The following PIK3C3 variants were observed in gnomAD, a reference collection of about 807,000 sequenced individuals.
PIK3C3 encodes phosphatidylinositol 3-kinase catalytic subunit type 3, also known as PI3-kinase type 3.
A neutral mutation model predicts 126.1 loss-of-function variants in PIK3C3; 95 were observed. That is an observed-to-expected ratio of 0.75 (90% CI 0.64 to 0.89). The LOEUF (loss-of-function observed/expected upper bound fraction) is 0.89, where lower values mean the gene tolerates loss of function less well. PIK3C3 is among the 40% of genes least tolerant of loss of function. The pLI, the probability that PIK3C3 is intolerant of heterozygous loss-of-function variation, is 0.00. For missense variants in PIK3C3, 829 were observed against 1,063.2 expected (o/e 0.78, Z 3.06); for synonymous variants, 374 against 360.0 (o/e 1.04, Z -0.44).
At chr18:41,964,610 T>A (rs1189180513) in intron 3 of PIK3C3, among the ~76,000 whole-genome samples, 2 of 152,136 alleles carry the variant, frequency 1.3e-5, no homozygotes, top group African/African-American at 4.8e-5. Flanking sequence ...TAGGATAGTA[T>A]TATAAAATGT....
rs966720405 is a variant in PIK3C3 at position 41,984,849 on chromosome 18, C to G, written c.532-2963C>G. Reference sequence around the variant, plus strand: ...GTCACACTCTTCCACATTATATTACCTTGTGACTGATTTTAACTGTTATAA... The same window carrying G: ...GTCACACTCTTCCACATTATATTACGTTGTGACTGATTTTAACTGTTATAA... On this transcript the variant is annotated intron_variant, in intron 4 of 24. Coordinates refer to ENST00000262039, the MANE Select transcript of PIK3C3 (RefSeq NM_002647.4). 6 of 152,284 alleles carry G rather than the reference C, an allele frequency of 3.9e-5. No individual in the cohort carries two copies. In the East Asian group the frequency reaches 1.2e-3, roughly 29 times the overall value. The allele number at this position is 152,284 out of a possible 1,614,324, so 9.4% of individuals were successfully genotyped here. A position where few individuals can be genotyped will look rare whatever the true frequency, so the allele number is the denominator to read the frequency against.
At chr18:41,996,772 A>G in intron 9 of PIK3C3, 42 bp downstream of exon 9, 2 of 979,570 alleles carry the variant, frequency 2.0e-6, no homozygotes, top group South Asian at 3.0e-5. Context: ...TTTATCTACC[A>G]ACTTTGTTAT....
In PIK3C3 at chr18:42,029,460, C is replaced by A; in HGVS notation, c.1707+19C>A. On this transcript the variant is annotated intron_variant, in intron 15 of 24. Coordinates refer to ENST00000262039, the MANE Select transcript of PIK3C3 (RefSeq NM_002647.4). ...GAAAAAGGTAAGCCTATGGTGTATG[C>A]TTTTGTTCCTAATAGCATCTTGGCA... The A allele has an allele frequency of 7.3e-7, 1 of 1,362,782 alleles. No individual in the cohort carries two copies. The highest frequency in any genetic ancestry group is 1.0e-6 in the Non-Finnish European group (1 of 958,936). The allele number at this position is 1,362,782 out of a possible 1,614,324, so 84.4% of individuals were successfully genotyped here.
At chr18:42,049,730 T>A (rs1984713505) in intron 21 of PIK3C3, 125 bp downstream of exon 21, 2 of 695,096 alleles carry the variant, frequency 2.9e-6, no homozygotes, top group Admixed American at 2.3e-5. Flanking sequence ...TCCCAGCACT[T>A]TGGGAGGCCA....
At chr18:42,012,158 A>C (rs925373666) in intron 10 of PIK3C3, among the ~76,000 whole-genome samples, 2 of 150,800 alleles carry the variant, frequency 1.3e-5, no homozygotes, top group African/African-American at 4.9e-5. Context: ...GCTTGGGTGC[A>C]GGGTTGCTAC....
chr18:42,055,726 G>T (rs1299346316), intron 21 of PIK3C3, among the ~76,000 whole-genome samples: 1 of 152,040 alleles, frequency 6.6e-6, no homozygotes, highest in Non-Finnish European at 1.5e-5. Flanking sequence ...GTAGAAGGAG[G>T]AGAGTAAGAA....
rs957524185 is a variant in PIK3C3, at chr18:41,966,197, T to C, written c.401+3565T>C. 1.3e-4 allele frequency among the ~76,000 whole-genome samples: 20 copies of C among 148,522 alleles called. No individual in the cohort carries two copies. The East Asian group carries it at 2.9e-3, about 22-fold the overall frequency. ...TGTTCCTTTTTTTTTTTTTTTTTTT[T>C]TTTGAGATGGATTCTCTGTCGCCCT... On this transcript the variant is annotated intron_variant, in intron 3 of 24. Transcript: ENST00000262039.
intron 3 of PIK3C3, among the ~76,000 whole-genome samples, chr18:41,966,155 C>T (rs1980348617): frequency 6.8e-6 from 1 of 146,300 alleles, no homozygotes; most frequent in African/African-American, 2.5e-5. Context: ...CCATTCATAT[C>T]TCTTTGCTAA....
At chr18:42,048,752 G>T (rs945163821) in intron 20 of PIK3C3, among the ~76,000 whole-genome samples, 5 of 152,042 alleles carry the variant, frequency 3.3e-5, no homozygotes, top group African/African-American at 1.2e-4. Context: ...ATTAACAGGT[G>T]GTCCCATCTT....
In PIK3C3 at chr18:42,044,762, T is replaced by A. The variant is rs189865393; in HGVS notation, c.2188+945T>A. ...TGATTTTTTTTATAACTAGATTGTTTATGGGAGGATTGGTAAAGGAGTTGA... is the reference window on the plus strand; with the variant it reads ...TGATTTTTTTTATAACTAGATTGTTAATGGGAGGATTGGTAAAGGAGTTGA... On this transcript the variant is annotated intron_variant, in intron 20 of 24. Transcript: ENST00000262039. Among the ~76,000 whole-genome samples, 5 of 152,262 alleles carry A rather than the reference T, an allele frequency of 3.3e-5. No homozygotes were observed. In the South Asian group the frequency reaches 6.2e-4, roughly 19 times the overall value.
At position 41,961,504 on chromosome 18, in the gene PIK3C3, T is replaced by C. The variant is rs532242843; in HGVS notation, c.258-985T>C. Among the ~76,000 whole-genome samples the C allele has an allele frequency of 2.0e-5, 3 of 152,076 alleles. No individual in the cohort carries two copies. In the East Asian group the frequency reaches 5.8e-4, roughly 29 times the overall value. ...TCTTGAAATTGATAGCCATCTCTAA[T>C]TTATATGGCGTATATAAATGATTTG... On this transcript the variant is annotated intron_variant, in intron 2 of 24. Transcript: ENST00000262039.
intron 3 of PIK3C3, among the ~76,000 whole-genome samples, chr18:41,967,155 T>C (rs1007994500): frequency 3.3e-5 from 5 of 152,144 alleles, no homozygotes; most frequent in African/African-American, 9.7e-5. Context: ...TTGTGCAGCT[T>C]TGGATTGTGA....
intron 12 of PIK3C3, among the ~76,000 whole-genome samples, chr18:42,019,599 A>C (rs1983231579): frequency 1.3e-5 from 2 of 151,890 alleles, no homozygotes; most frequent in South Asian, 4.2e-4. Context: ...ATTTGTCAGC[A>C]CTTTCCTCTC....
rs145914920 is a variant in PIK3C3, at chr18:42,038,775, T to C, written c.1969-6T>C. ...TGGTTAATATATTTTACCTTTTGAT[T>C]AAAAGCTGTTACGGAAAGAAAATCT... On this transcript the variant is annotated splice_region_variant and splice_polypyrimidine_tract_variant and intron_variant, in intron 17 of 24. Transcript: ENST00000262039. The C allele has an allele frequency of 8.7e-5, 138 of 1,587,504 alleles. No homozygotes were observed. The African/African-American group carries it at 1.3e-3, about 15-fold the overall frequency.
At chr18:42,031,199 A>G (rs1306044874) in intron 15 of PIK3C3, among the ~76,000 whole-genome samples, 1 of 152,192 alleles carries the variant, frequency 6.6e-6, no homozygotes, top group Non-Finnish European at 1.5e-5. Context: ...ATATAAAATC[A>G]TATGTAGCAC....
chr18:42,014,207 CAAAAAAAAAAAA>C (rs58086258), intron 11 of PIK3C3, among the ~76,000 whole-genome samples: 1 of 40,996 alleles, frequency 2.4e-5, no homozygotes, highest in Non-Finnish European at 4.9e-5. Context: ...GACTCCGTCT[CAAAAAAAAAAAA>C]AAAAAAAAAA....
rs191982011 is a variant in PIK3C3 at position 41,976,305 on chromosome 18, T to C, written c.531+5849T>C. Among the ~76,000 whole-genome samples, 128 of 152,150 alleles carry C rather than the reference T, an allele frequency of 8.4e-4. 1 individual carries two copies. The highest frequency in any genetic ancestry group is 7.4e-4 in the Non-Finnish European group (50 of 68,004). ...CCCTGAGATTTTAGTTTTATGTACA[T>C]GTAGAAGTCCTCTTTCATCTTCACC... is the stretch of plus-strand genomic sequence containing the variant. On this transcript the variant is annotated intron_variant, in intron 4 of 24. Coordinates refer to ENST00000262039, the MANE Select transcript of PIK3C3 (RefSeq NM_002647.4).
intron 13 of PIK3C3, among the ~76,000 whole-genome samples, chr18:42,022,398 T>G (rs990325141): frequency 3.3e-5 from 5 of 152,178 alleles, no homozygotes; most frequent in African/African-American, 1.2e-4. Context: ...TGGTTTTCTG[T>G]CCTTGCGACA....
At position 42,028,773 on chromosome 18, in the gene PIK3C3, A is replaced by G. The variant is rs540345883; in HGVS notation, c.1591-552A>G. Among the ~76,000 whole-genome samples, 14 of 152,362 alleles carry G rather than the reference A, an allele frequency of 9.2e-5. No individual in the cohort carries two copies. In the East Asian group the frequency reaches 2.7e-3, roughly 29 times the overall value. On this transcript the variant is annotated intron_variant, in intron 14 of 24. Transcript: ENST00000262039. ...TTCCCTTACCAGGGTAATTGGGAAG[A>G]TTAAATTAGAAATGTATTTTATAAT... is the stretch of plus-strand genomic sequence containing the variant.
Sources: gnomAD v4.1 joint callset for allele counts (sites outside exome capture counted in the v4.1 genomes callset) on GRCh38, gnomAD v4.1.1 for gene constraint, MANE v1.5 for transcripts, NCBI Gene and HGNC (gene_info 2026-07-23, HGNC 2026-07-21) for gene names.